Variants in KCND2 observed in about 807,000 individuals in gnomAD.
KCND2 encodes the protein potassium voltage-gated channel subfamily D member 2.
KCND2 carries 16 observed loss-of-function variants against 54.4 expected under a neutral mutation model. The observed-to-expected ratio is 0.29, with a 90% confidence interval of 0.20 to 0.45. The LOEUF (loss-of-function observed/expected upper bound fraction) is 0.45. Among genes scored for constraint, KCND2 ranks in the 20% least tolerant of loss-of-function variants. The pLI is 1.00. For synonymous variants in KCND2, 317 were observed against 310.7 expected, an observed-to-expected ratio of 1.02 and a Z score of -0.21; for missense variants, 486 against 824.2, an observed-to-expected ratio of 0.59 and a Z score of 5.02.
At chr7:120,641,754 C>CTTTTTTT (rs5886998) in intron 1 of KCND2, among the ~76,000 whole-genome samples, 12 of 129,892 alleles carry the variant, frequency 9.2e-5, no homozygotes, top group African/African-American at 1.8e-4. Context: ...CAAGCATATT[C>CTTTTTTT]TTTTTTTTTT....
chr7:120,587,620 T>C (rs1792616814), intron 1 of KCND2, among the ~76,000 whole-genome samples: 1 of 152,162 alleles, frequency 6.6e-6, no homozygotes, highest in African/African-American at 2.4e-5. Context: ...GACCTTTCTC[T>C]TTCAACATTT....
intron 1 of KCND2, among the ~76,000 whole-genome samples, chr7:120,403,394 G>A (rs2116086448): frequency 6.6e-6 from 1 of 150,738 alleles, no homozygotes; most frequent in Admixed American, 6.6e-5. Flanking sequence ...ATGGCTTACT[G>A]CAACCTCTGC....
intron 1 of KCND2, among the ~76,000 whole-genome samples, chr7:120,342,711 C>A (rs1800258156): frequency 6.6e-6 from 1 of 151,878 alleles, no homozygotes; most frequent in Non-Finnish European, 1.5e-5. Context: ...AATCTAAATG[C>A]ATAAAATGAT....
intron 1 of KCND2, among the ~76,000 whole-genome samples, chr7:120,404,616 T>C (rs1386693675): frequency 6.6e-6 from 1 of 152,182 alleles, no homozygotes; most frequent in African/African-American, 2.4e-5. Context: ...CAAACTTCTA[T>C]CAGGGCATGA....
At chr7:120,510,303 GAGA>G (rs1803093705) in intron 1 of KCND2, among the ~76,000 whole-genome samples, 1 of 152,072 alleles carries the variant, frequency 6.6e-6, no homozygotes, top group Non-Finnish European at 1.5e-5. Context: ...CTAAATTGTA[GAGA>G]AGAAGAAACT....
intron 1 of KCND2, among the ~76,000 whole-genome samples, chr7:120,695,512 T>C (rs944639494): frequency 3.3e-5 from 5 of 152,200 alleles, no homozygotes; most frequent in African/African-American, 1.2e-4. Flanking sequence ...TAATATCTGA[T>C]GCTTTTTAAG....
At chr7:120,503,154 C>T (rs1020832036) in intron 1 of KCND2, among the ~76,000 whole-genome samples, 1 of 151,922 alleles carries the variant, frequency 6.6e-6, no homozygotes, top group Non-Finnish European at 1.5e-5. Context: ...CTTTTGCAAA[C>T]ATCCTAAAAT....
At chr7:120,712,241 A>ATTTTTTTATT (rs1792548825) in intron 1 of KCND2, among the ~76,000 whole-genome samples, 1 of 34,762 alleles carries the variant, frequency 2.9e-5, no homozygotes, top group Non-Finnish European at 5.3e-5. Context: ...GGATATCTGA[A>ATTTTTTTATT]TTTTTTTTTT....
At position 120,505,439 on chromosome 7, in the gene KCND2, GT is replaced by G. The variant is rs1432115568; in HGVS notation, c.1116-227462del. ...CTTAAGGGTTTTTCTTTATTTTAGT[GT>G]TATGCCAAAGCTATATTCTTTTATA... On this transcript the variant is annotated intron_variant, in intron 1 of 5. Transcript: ENST00000331113. 4.0e-5 allele frequency among the ~76,000 whole-genome samples: 6 copies of G among 151,666 alleles called. No homozygotes were observed. In the East Asian group the frequency reaches 1.2e-3, roughly 29 times the overall value.
At chr7:120,550,925 A>G (rs954851748) in intron 1 of KCND2, among the ~76,000 whole-genome samples, 1 of 152,214 alleles carries the variant, frequency 6.6e-6, no homozygotes, top group African/African-American at 2.4e-5. Context: ...TGTTAGGATC[A>G]GCAGTGGACA....
At chr7:120,683,994 C>A (rs1792170920) in intron 1 of KCND2, among the ~76,000 whole-genome samples, 1 of 152,014 alleles carries the variant, frequency 6.6e-6, no homozygotes, top group Non-Finnish European at 1.5e-5. Flanking sequence ...TTTAATGATT[C>A]TCTGGCTTCT....
intron 1 of KCND2, among the ~76,000 whole-genome samples, chr7:120,472,829 T>C (rs570351719): frequency 2.0e-5 from 3 of 152,234 alleles, no homozygotes; most frequent in African/African-American, 4.8e-5. Flanking sequence ...GGAAGACATA[T>C]AGGAACGGCT....
chr7:120,443,686 T>C (rs188428276), intron 1 of KCND2, among the ~76,000 whole-genome samples: 185 of 151,484 alleles, frequency 1.2e-3, no homozygotes, highest in Middle Eastern at 3.4e-3. Context: ...TAAGACTCAT[T>C]TTTTTTTTCT....
At chr7:120,569,601 T>C (rs1402853322) in intron 1 of KCND2, among the ~76,000 whole-genome samples, 1 of 152,106 alleles carries the variant, frequency 6.6e-6, no homozygotes, top group Non-Finnish European at 1.5e-5. Flanking sequence ...AAAACAAAAC[T>C]GACTTTGGAT....
chr7:120,442,947 T>G (rs900061840), intron 1 of KCND2, among the ~76,000 whole-genome samples: 1 of 152,184 alleles, frequency 6.6e-6, no homozygotes, highest in Non-Finnish European at 1.5e-5. Flanking sequence ...TACTTCACTT[T>G]ACTTCGTTCT....
At chr7:120,452,145 T>G (rs1406195414) in intron 1 of KCND2, among the ~76,000 whole-genome samples, 2 of 152,198 alleles carry the variant, frequency 1.3e-5, no homozygotes, top group Non-Finnish European at 1.5e-5. Flanking sequence ...GCATAAAGTT[T>G]TAAAATTGAA....
chr7:120,370,946 A>G (rs1800756253), intron 1 of KCND2, among the ~76,000 whole-genome samples: 1 of 152,052 alleles, frequency 6.6e-6, no homozygotes, highest in African/African-American at 2.4e-5. Flanking sequence ...ATTACTCCAG[A>G]TAGGTTAGCT....
intron 1 of KCND2, among the ~76,000 whole-genome samples, chr7:120,647,543 A>G (rs762270395): frequency 3.3e-5 from 5 of 152,198 alleles, no homozygotes; most frequent in Non-Finnish European, 7.3e-5. Flanking sequence ...TTGTTGCCAT[A>G]TTGAAAATAA....
chr7:120,536,356 G>A (rs558183333), intron 1 of KCND2, among the ~76,000 whole-genome samples: 4 of 152,030 alleles, frequency 2.6e-5, no homozygotes, highest in Non-Finnish European at 5.9e-5. Flanking sequence ...GACTGATCAC[G>A]GTGGTGTTCC....
Sources: gnomAD v4.1 joint callset for allele counts (sites outside exome capture counted in the v4.1 genomes callset) on GRCh38, gnomAD v4.1.1 for gene constraint, MANE v1.5 for transcripts, NCBI Gene and HGNC (gene_info 2026-07-23, HGNC 2026-07-21) for gene names.